MKI67: variants seen among roughly 807,000 people sequenced by gnomAD.
The protein encoded by MKI67 is proliferation marker protein Ki-67.
Under a neutral mutation model 233.5 loss-of-function variants are expected in MKI67, and 152 were observed. The ratio of observed to expected loss-of-function variants is 0.65; its 90% CI spans 0.57 to 0.74. MKI67 has a LOEUF of 0.74. Ranked by LOEUF, MKI67 falls within the 30% of genes least tolerant of loss-of-function variation. MKI67 has a pLI of 0.00. For missense variants in MKI67, 3,940 were observed against 3,885.2 expected (o/e 1.01, Z -0.37); for synonymous variants, 1,465 against 1,418.5 (o/e 1.03, Z -0.74).
chr10:128,114,840 TA>T, intron 7 of MKI67, 87 bp downstream of exon 7: 1 of 1,285,126 alleles, frequency 7.8e-7, no homozygotes, highest in Non-Finnish European at 1.1e-6. Flanking sequence ...TCCACAAAGC[TA>T]ATCACTACTG....
In MKI67 at chr10:128,104,486, C is replaced by T. The variant is rs185854408; in HGVS notation, c.7354G>A (p.Glu2452Lys). 6.2e-7 allele frequency: 1 copy of T among 1,614,114 alleles called. No individual in the cohort carries two copies. The highest frequency in any genetic ancestry group is 1.7e-5 in the Admixed American group (1 of 60,002). ...ELFQTPGHTE[E>K]SMTDDKITEV... The stretch of plus-strand genomic sequence containing the variant: ...GTGATTTTGTCATCAGTCATTGATT[C>T]CTCAGTGTGACCTGGTGTCTGGAAG... Residue 2452 changes from glutamate to lysine, a missense_variant, in exon 13 of 15, where the codon GAA becomes AAA. Glu to Lys is a moderately conservative substitution (Grantham distance 56). Coordinates refer to ENST00000368654, the MANE Select transcript of MKI67 (RefSeq NM_002417.5).
In MKI67 at chr10:128,115,045, T is replaced by C; in HGVS notation, c.1363A>G (p.Lys455Glu). The C allele has an allele frequency of 3.7e-6, 6 of 1,613,202 alleles. No homozygotes were observed. The highest frequency in any genetic ancestry group is 5.1e-6 in the Non-Finnish European group (6 of 1,179,102). Reference protein sequence around the residue: ...LTLWLTQVERKIQKDSLSKPE... With the variant: ...LTLWLTQVEREIQKDSLSKPE... The stretch of plus-strand genomic sequence containing the variant: ...TTGCTGAGGGAATCCTTTTGGATCT[T>C]CCTCTCAACTTGAGTGAGCCACAGA... Residue 455 changes from lysine (K) to glutamate (E), a missense_variant, in exon 7 of 15, where the codon AAG becomes GAG. Coordinates refer to ENST00000368654, the MANE Select transcript of MKI67 (RefSeq NM_002417.5).
intron 8 of MKI67, among the ~76,000 whole-genome samples, chr10:128,112,972 AAAGAGCTG>A (rs1852714485): frequency 1.3e-5 from 2 of 152,254 alleles, no homozygotes; most frequent in South Asian, 4.1e-4. Flanking sequence ...CAAATATTCT[AAAGAGCTG>A]AAGGTGTAAA....
Position 128,108,068 on chromosome 10 carries a change from G to C in MKI67, c.3772C>G (p.Pro1258Ala). Residue 1258 changes from proline (P) to alanine (A), a missense_variant, in exon 13 of 15, where the codon CCA (proline) becomes GCA (alanine). Transcript: ENST00000368654. ...KIPCDSPQSD[P>A]VDTPTSTKQR... is the part of the protein sequence containing the mutation. ...TTTGTGCTTGTTGGGGTGTCCACTG[G>C]GTCTGACTGTGGAGAGTCGCAGGGT... The C allele has an allele frequency of 6.2e-7, 1 of 1,611,792 alleles. No homozygotes were observed. Among genetic ancestry groups the C allele is most frequent in the Non-Finnish European group, 8.5e-7 (1 of 1,179,496 alleles).
Position 128,111,810 on chromosome 10 carries a change from C to G in MKI67, c.2095G>C (p.Val699Leu), listed in dbSNP as rs777627928. 17 of 1,612,594 alleles carry G rather than the reference C, an allele frequency of 1.1e-5. No homozygotes were observed. Among genetic ancestry groups the G allele is most frequent in the Non-Finnish European group, 1.4e-5 (17 of 1,179,602 alleles). The change falls in exon 11 of 15, where the codon GTG becomes CTG. Residue 699 changes from valine (V) to leucine (L), a missense_variant. Transcript: ENST00000368654. ...CTAAATTGACTGTGAACTTCGCCCA[C>G]AGGCTTCTGTAGAAAACAGGAAGGA... ...QRRPATPKKP[V>L]GEVHSQFSTG...
Position 128,101,375 on chromosome 10 carries a change from G to C in MKI67, c.9588C>G (p.Asp3196Glu). 1 of 1,614,198 alleles carries C rather than the reference G, an allele frequency of 6.2e-7. No individual in the cohort carries two copies. Among genetic ancestry groups the C allele is most frequent in the Non-Finnish European group, 8.5e-7 (1 of 1,180,018 alleles). The change falls in exon 14 of 15, where the codon GAC becomes GAG. Residue 3196 changes from aspartate to glutamate, a missense_variant. By Grantham distance (45) the Asp-to-Glu change is conservative (BLOSUM62 2). Coordinates refer to ENST00000368654, the MANE Select transcript of MKI67 (RefSeq NM_002417.5). ...QKGKGEAGNS[D>E]SMCLRSRKTK... ...TCTTTCTTGATCTCAGGCACATGGA[G>C]TCTGAATTTCCTGCTTCTCCTTTCC... is the stretch of plus-strand genomic sequence containing the variant.
Position 128,125,452 on chromosome 10 carries a change from G to C in MKI67, c.92+124C>G. ...ACTATGTCAACTTAGTAACGAATGG[G>C]AGAAGCACCAAGGAAAAGTGACGGC... On this transcript the variant is annotated intron_variant, in intron 2 of 14. Coordinates refer to ENST00000368654, the MANE Select transcript of MKI67 (RefSeq NM_002417.5). This position sits in a 1 kb window ranked among gnomAD's most constrained non-coding sequence, Gnocchi z 5.3. 5 of 764,094 alleles carry C rather than the reference G, an allele frequency of 6.5e-6. No homozygotes were observed. The highest frequency in any genetic ancestry group is 1.1e-5 in the Non-Finnish European group (5 of 435,294). 47.3% of individuals were successfully genotyped at this position (764,094 alleles called of 1,614,324 possible). A position where few individuals can be genotyped will look rare whatever the true frequency, so the allele number is the denominator to read the frequency against.
rs777227167 is a variant in MKI67 at position 128,113,397 on chromosome 10, C to T, written c.1656+30G>A. On this transcript the variant is annotated intron_variant, in intron 8 of 14. Coordinates refer to ENST00000368654, the MANE Select transcript of MKI67 (RefSeq NM_002417.5). The stretch of plus-strand genomic sequence containing the variant: ...GGTACCCGGTGTGTGAGCCACTGGG[C>T]GTGAATGGGATGCTGCTTGTTCAAC... The T allele has an allele frequency of 1.0e-4, 168 of 1,611,086 alleles. 1 individual carries two copies. The highest frequency in any genetic ancestry group is 1.3e-4 in the African/African-American group (10 of 74,832).
rs765319667 is a variant in MKI67 at position 128,104,802 on chromosome 10, T to A, written c.7038A>T (p.Gln2346His). 1.2e-6 allele frequency: 2 copies of A among 1,613,426 alleles called. No individual in the cohort carries two copies. Among genetic ancestry groups the A allele is most frequent in the Non-Finnish European group, 1.7e-6 (2 of 1,179,932 alleles). ...TTGCTGGGGTGTCCACTGGGTCTGG[T>A]TGTGGAGATTTGCAGGCTATTTTGG... ...KTTKIACKSP[Q>H]PDPVDTPAST... Residue 2346 changes from glutamine to histidine, a missense_variant, in exon 13 of 15, where the codon CAA (glutamine) becomes CAT (histidine). By Grantham distance (24) the Gln-to-His change is conservative. Coordinates refer to ENST00000368654, the MANE Select transcript of MKI67 (RefSeq NM_002417.5).
Position 128,115,710 on chromosome 10 carries a change from T to TG in MKI67, c.697_698insC (p.Asn233ThrfsTer2), listed in dbSNP as rs1306923646. On this transcript the variant is annotated frameshift_variant, in exon 7 of 15. Coordinates refer to ENST00000368654, the MANE Select transcript of MKI67 (RefSeq NM_002417.5). LOFTEE classifies it high-confidence loss of function. The stretch of plus-strand genomic sequence containing the variant: ...ATAAAGCTTCCAAAAGGGAGATTCA[T>TG]TTTTTTTGCTATTGTCAAGACATTG... 6.3e-7 allele frequency: 1 copy of TG among 1,595,832 alleles called. No individual in the cohort carries two copies. The highest frequency in any genetic ancestry group is 2.2e-5 in the East Asian group (1 of 44,522).
Position 128,102,661 on chromosome 10 carries a change from T to G in MKI67, c.9179A>C (p.Glu3060Ala). 1 of 1,614,254 alleles carries G rather than the reference T, an allele frequency of 6.2e-7. No homozygotes were observed. Among genetic ancestry groups the G allele is most frequent in the South Asian group, 1.1e-5 (1 of 91,090 alleles). The stretch of plus-strand genomic sequence containing the variant: ...GTTGCTGTTCAGCTCTTCCGCAGGT[T>G]CAATTCTTTTTGCAGAAGTCCTCAA... ...RSLRTSAKRIEPAEELNSNDM... is the reference protein window; with the variant it reads ...RSLRTSAKRIAPAEELNSNDM... The change falls in exon 13 of 15, where the codon GAA becomes GCA. Residue 3060 changes from glutamate to alanine, a missense_variant. Physicochemically the swap from Glu to Ala is moderately radical, Grantham distance 107 (BLOSUM62 -1). Transcript: ENST00000368654.
Position 128,119,312 on chromosome 10 carries a change from T to C in MKI67, c.295A>G (p.Asn99Asp). The C allele has an allele frequency of 6.2e-7, 1 of 1,602,192 alleles. No homozygotes were observed. The highest frequency in any genetic ancestry group is 8.6e-7 in the Non-Finnish European group (1 of 1,169,456). Residue 99 changes from asparagine to aspartate, a missense_variant, in exon 5 of 15, where the codon AAT (asparagine) becomes GAT (aspartate). Coordinates refer to ENST00000368654, the MANE Select transcript of MKI67 (RefSeq NM_002417.5). ...TTCCTTCCATTCTGAAGACTTTCAT[T>C]TTCATACCTGCAGTTTATAGAACGA... is the stretch of plus-strand genomic sequence containing the variant. The part of the protein sequence containing the change: ...TIIDRSFRYE[N>D]ESLQNGRKST...
chr10:128,116,834 G>A (rs536815504), intron 5 of MKI67, among the ~76,000 whole-genome samples: 1 of 152,330 alleles, frequency 6.6e-6, no homozygotes, highest in South Asian at 2.1e-4. Flanking sequence ...TGGAACCCGG[G>A]AGGCAGAGGT....
Position 128,105,743 on chromosome 10 carries a change from C to T in MKI67, c.6097G>A (p.Ala2033Thr), listed in dbSNP as rs1852471600. ...GCTTTGATGCTCTTTCCATCTCCTG[C>T]TGTCTCTCTGTGTGTCTGTGTGGTC... is the stretch of plus-strand genomic sequence containing the variant. Reference protein sequence around the residue: ...GKTTQTHRETAGDGKSIKAFK... With the variant: ...GKTTQTHRETTGDGKSIKAFK... The change falls in exon 13 of 15, where the codon GCA (alanine) becomes ACA (threonine). Residue 2033 changes from alanine (A) to threonine (T), a missense_variant. Transcript: ENST00000368654. The T allele has an allele frequency of 6.2e-7, 1 of 1,614,086 alleles. No individual in the cohort carries two copies. The highest frequency in any genetic ancestry group is 1.1e-5 in the South Asian group (1 of 91,076).
rs760309797 is a variant in MKI67, at chr10:128,108,711, C to T, written c.3129G>A (p.Lys1043=). Residue 1043 remains lysine, a synonymous_variant, in exon 13 of 15, where the codon AAG becomes AAA. Transcript: ENST00000368654. The part of the protein sequence containing the change: ...GVKEELLAVG[K]FTRTSGETTH... Reference sequence around the variant, plus strand: ...TGGTCTCCCCTGACGTCCGTGTGAACTTGCCGACTGCTAGGAGCTCTTCTT... The same window carrying T: ...TGGTCTCCCCTGACGTCCGTGTGAATTTGCCGACTGCTAGGAGCTCTTCTT... 6 of 1,614,102 alleles carry T rather than the reference C, an allele frequency of 3.7e-6. No homozygotes were observed. Among genetic ancestry groups the T allele is most frequent in the South Asian group, 1.1e-5 (1 of 91,086 alleles).
chr10:128,111,667 C>A lies in MKI67; in HGVS notation c.2238G>T (p.Met746Ile). ...VLNNFISNQK[M>I]DFKEDLSGIA... ...TACCTGAAAGATCTTCCTTAAAGTCCATTTTTTGGTTGGAAATGAAGTTGT... is the reference window on the plus strand; with the variant it reads ...TACCTGAAAGATCTTCCTTAAAGTCAATTTTTTGGTTGGAAATGAAGTTGT... Residue 746 changes from methionine to isoleucine, a missense_variant, in exon 11 of 15, where the codon ATG (methionine) becomes ATT (isoleucine). Coordinates refer to ENST00000368654, the MANE Select transcript of MKI67 (RefSeq NM_002417.5). 1 of 1,612,538 alleles carries A rather than the reference C, an allele frequency of 6.2e-7. No homozygotes were observed. The highest frequency in any genetic ancestry group is 1.1e-5 in the South Asian group (1 of 90,552).
At chr10:128,121,846 G>A (rs1852955302) in intron 4 of MKI67, among the ~76,000 whole-genome samples, 1 of 151,662 alleles carries the variant, frequency 6.6e-6, no homozygotes. Flanking sequence ...AAACTACAGA[G>A]ATGTCCAACA....
rs1396249862 is a variant in MKI67, at chr10:128,107,839, T to G, written c.4001A>C (p.Gln1334Pro). Residue 1334 changes from glutamine to proline, a missense_variant, in exon 13 of 15, where the codon CAA becomes CCA. By Grantham distance (76) the Gln-to-Pro change is moderately conservative (BLOSUM62 -1). Transcript: ENST00000368654. ...ENLTGSKRRP[Q>P]TPKEEAQALE... ...AGCCTGGGCCTCTTCCTTAGGAGTTTGTGGCCGTCTCTTGCTGCCGGTTAA... is the reference window on the plus strand; with the variant it reads ...AGCCTGGGCCTCTTCCTTAGGAGTTGGTGGCCGTCTCTTGCTGCCGGTTAA... The G allele has an allele frequency of 6.2e-7, 1 of 1,613,006 alleles. No homozygotes were observed. The highest frequency in any genetic ancestry group is 8.5e-7 in the Non-Finnish European group (1 of 1,179,798).
Position 128,104,672 on chromosome 10 carries a change from G to A in MKI67, c.7168C>T (p.Pro2390Ser), listed in dbSNP as rs148326892. 6.1e-4 allele frequency: 981 copies of A among 1,613,814 alleles called. No individual in the cohort carries two copies. The highest frequency in any genetic ancestry group is 7.6e-4 in the Non-Finnish European group (893 of 1,180,012). ...TTCTCATCACTTACTGCTGGTTTTG[G>A]TGTGTCCATGGCTTTGCCTGCTGAT... ...TPSAGKAMDT[P>S]KPAVSDEKNI... The change falls in exon 13 of 15, where the codon CCA becomes TCA. Residue 2390 changes from proline (P) to serine (S), a missense_variant. Physicochemically the swap from Pro to Ser is moderately conservative, Grantham distance 74. Transcript: ENST00000368654.
Sources: allele counts gnomAD v4.1 joint callset (sites outside exome capture counted in the v4.1 genomes callset), GRCh38; gene constraint gnomAD v4.1.1; non-coding constraint Gnocchi (gnomAD v3.1); transcripts MANE v1.5; gene names NCBI Gene and HGNC (gene_info 2026-07-23, HGNC 2026-07-21).